ASCC3: variants seen among roughly 807,000 people sequenced by gnomAD.
ASCC3 encodes the protein ASC-1 complex subunit P200.
Under a neutral mutation model 256.3 loss-of-function variants are expected in ASCC3, and 158 were observed. The ratio of observed to expected loss-of-function variants is 0.62; its 90% confidence interval spans 0.54 to 0.70. The LOEUF (loss-of-function observed/expected upper bound fraction) is 0.70. Ranked by LOEUF, ASCC3 falls within the 30% of genes least tolerant of loss-of-function variation. ASCC3 has a pLI of 0.00. For missense variants in ASCC3, 2,259 were observed against 2,626.0 expected (o/e 0.86, Z 3.05); for synonymous variants, 948 against 883.4 (o/e 1.07, Z -1.30).
chr6:100,698,197 C>CACTTGTTACAAGTGTTATT (rs1467486641), intron 13 of ASCC3, among the ~76,000 whole-genome samples: 7 of 152,062 alleles, frequency 4.6e-5, no homozygotes, highest in African/African-American at 1.4e-4. Flanking sequence ...TGCATCCATT[C>CACTTGTTACAAGTGTTATT]ACTTGTTACA....
At position 100,583,435 on chromosome 6, in the gene ASCC3, C is replaced by T. The variant is rs967102629; in HGVS notation, c.5550+6199G>A. Among the ~76,000 whole-genome samples, 39 of 152,042 alleles carry T rather than the reference C, an allele frequency of 2.6e-4. No homozygotes were observed. In the Middle Eastern group the frequency reaches 0.01, roughly 40 times the overall value. On this transcript the variant is annotated intron_variant, in intron 36 of 41. Transcript: ENST00000369162. ...ATTTCTGTGGGATCGGTGGTGATAT[C>T]CCCTTTATCATTTTTTATTGCATCT...
intron 36 of ASCC3, among the ~76,000 whole-genome samples, chr6:100,556,487 G>C (rs529175938): frequency 6.6e-6 from 1 of 152,108 alleles, no homozygotes; most frequent in Non-Finnish European, 1.5e-5. Context: ...TTTATGAAGC[G>C]AAATATGTAC....
intron 3 of ASCC3, among the ~76,000 whole-genome samples, chr6:100,855,108 AC>A (rs199764478): frequency 8.7e-6 from 1 of 114,608 alleles, no homozygotes; most frequent in East Asian, 2.2e-4. Flanking sequence ...ATTGTCAAGA[AC>A]CTTTTTTTTT....
chr6:100,756,639 T>C (rs889786030), intron 10 of ASCC3, among the ~76,000 whole-genome samples: 1 of 152,122 alleles, frequency 6.6e-6, no homozygotes, highest in African/African-American at 2.4e-5. Flanking sequence ...AATTGAATGA[T>C]GAAAATATCT....
intron 36 of ASCC3, among the ~76,000 whole-genome samples, chr6:100,570,491 AC>A (rs930813893): frequency 4.6e-5 from 7 of 151,610 alleles, no homozygotes; most frequent in African/African-American, 1.7e-4. Context: ...ACTTTTTTCC[AC>A]CTGGTTTCCA....
chr6:100,516,403 T>C, intron 38 of ASCC3, 76 bp from the exon 39 acceptor site: 1 of 1,531,698 alleles, frequency 6.5e-7, no homozygotes, highest in Non-Finnish European at 8.9e-7. Flanking sequence ...GTGGTTTATA[T>C]AATTATAGCT....
intron 36 of ASCC3, among the ~76,000 whole-genome samples, chr6:100,572,237 A>G (rs1400500432): frequency 6.6e-6 from 1 of 152,154 alleles, no homozygotes; most frequent in Non-Finnish European, 1.5e-5. Flanking sequence ...GCCCTTATAA[A>G]GGAGACTCCA....
At chr6:100,866,017 T>C (rs1325913273) in intron 2 of ASCC3, among the ~76,000 whole-genome samples, 1 of 152,050 alleles carries the variant, frequency 6.6e-6, no homozygotes, top group Non-Finnish European at 1.5e-5. Flanking sequence ...TCACCCAGGC[T>C]GGAGTCCAGT....
chr6:100,622,414 G>A (rs1774002881), intron 30 of ASCC3, among the ~76,000 whole-genome samples: 1 of 152,000 alleles, frequency 6.6e-6, no homozygotes, highest in South Asian at 2.1e-4. Flanking sequence ...CACCTTGTGA[G>A]GTAGGGGTCT....
intron 10 of ASCC3, among the ~76,000 whole-genome samples, chr6:100,765,007 G>T (rs183098235): frequency 6.6e-6 from 1 of 152,046 alleles, no homozygotes; most frequent in African/African-American, 2.4e-5. Context: ...AAAGATAAGC[G>T]GGCGAAAAGG....
chr6:100,622,039 G>A (rs1195143745), intron 30 of ASCC3, among the ~76,000 whole-genome samples: 1 of 152,100 alleles, frequency 6.6e-6, no homozygotes, highest in East Asian at 1.9e-4. Context: ...GCTGAAAAAT[G>A]AGAACACATG....
chr6:100,613,092 G>A (rs1773488871), intron 30 of ASCC3, among the ~76,000 whole-genome samples: 2 of 148,130 alleles, frequency 1.4e-5, no homozygotes, highest in East Asian at 2.0e-4. Context: ...AGGAAAGCAT[G>A]CTTAAATTTG....
chr6:100,665,747 A>AG (rs914242225), intron 14 of ASCC3, among the ~76,000 whole-genome samples: 27 of 28,686 alleles, frequency 9.4e-4, no homozygotes, highest in African/African-American at 4.2e-3. Context: ...CTCAAAAAAC[A>AG]AAAAAAAAAG....
intron 14 of ASCC3, among the ~76,000 whole-genome samples, chr6:100,663,959 G>C (rs985416586): frequency 1.2e-4 from 19 of 152,032 alleles, no homozygotes; most frequent in African/African-American, 4.6e-4. Context: ...TGTTACTTCT[G>C]GTTCTGTTCT....
intron 13 of ASCC3, among the ~76,000 whole-genome samples, chr6:100,701,742 TAAG>T (rs1344279854): frequency 1.3e-5 from 2 of 152,122 alleles, no homozygotes; most frequent in African/African-American, 4.8e-5. Flanking sequence ...CAGCTTATAA[TAAG>T]AAGGTGACAG....
chr6:100,634,454 G>C (rs971201550), intron 25 of ASCC3, among the ~76,000 whole-genome samples: 1 of 152,098 alleles, frequency 6.6e-6, no homozygotes, highest in African/African-American at 2.4e-5. Flanking sequence ...ATCCATCGGG[G>C]TTTTGGAATG....
At chr6:100,848,920 A>G (rs922491610) in intron 3 of ASCC3, among the ~76,000 whole-genome samples, 1 of 152,178 alleles carries the variant, frequency 6.6e-6, no homozygotes, top group Non-Finnish European at 1.5e-5. Flanking sequence ...AGCCTGGGCA[A>G]TATGGTGAGA....
At chr6:100,856,699 G>C (rs1262539554) in intron 3 of ASCC3, 1 of 152,060 alleles carries the variant, frequency 6.6e-6, no homozygotes, top group Non-Finnish European at 1.5e-5. Flanking sequence ...GTCATGCCTA[G>C]TTTTCAGTTT....
At chr6:100,677,014 T>C (rs1777057211) in intron 14 of ASCC3, among the ~76,000 whole-genome samples, 1 of 152,172 alleles carries the variant, frequency 6.6e-6, no homozygotes. Context: ...TACCTTCTAA[T>C]TAAATTTTAA....
Sources: gnomAD v4.1 joint callset for allele counts (sites outside exome capture counted in the v4.1 genomes callset) on GRCh38, gnomAD v4.1.1 for gene constraint, MANE v1.5 for transcripts, NCBI Gene and HGNC (gene_info 2026-07-23, HGNC 2026-07-21) for gene names.